The following GAN variants were observed in gnomAD, a reference collection of about 807,000 sequenced individuals.
The protein encoded by GAN is gigaxonin.
Under a neutral mutation model 71.3 loss-of-function variants are expected in GAN, and 48 were observed. The observed-to-expected ratio is 0.67, with a 90% CI of 0.53 to 0.86. The LOEUF is 0.86. Among genes scored for constraint, GAN ranks in the 40% least tolerant of loss-of-function variants. The pLI is 0.00. For synonymous variants in GAN, 386 were observed against 276.8 expected, an observed-to-expected ratio of 1.39 and a Z score of -3.92; for missense variants, 928 against 770.1, an observed-to-expected ratio of 1.21 and a Z score of -2.43.
chr16:81,365,386 G>C lies in GAN; in HGVS notation c.1410G>C (p.Leu470=), dbSNP rs1365354116. The change falls in exon 9 of 11, where the codon CTG becomes CTC. Residue 470 remains leucine (L), a synonymous_variant. Coordinates refer to ENST00000648994, the MANE Select transcript of GAN (RefSeq NM_022041.4). ...GAVACGVAME[L]YVFGGVRSRE... is the part of the protein sequence containing the mutation. ...TGGCCTGTGGAGTTGCTATGGAGCT[G>C]TATGTGTTTGGGGGAGTCCGAAGTC... 1.2e-5 allele frequency: 20 copies of C among 1,613,816 alleles called. No homozygotes were observed. Among genetic ancestry groups the C allele is most frequent in the Non-Finnish European group, 1.7e-5 (20 of 1,179,960 alleles).
intron 2 of GAN, among the ~76,000 whole-genome samples, chr16:81,353,265 G>A (rs4889310): frequency 6.8e-6 from 1 of 146,840 alleles, no homozygotes; most frequent in African/African-American, 2.6e-5. Flanking sequence ...GCACTCCAGC[G>A]TGGGCGACAG....
In GAN at chr16:81,323,731, A is replaced by G. The variant is rs540677542; in HGVS notation, c.167+8451A>G. Among the ~76,000 whole-genome samples the G allele has an allele frequency of 5.4e-4, 82 of 152,328 alleles. 1 individual carries two copies. The highest frequency in any genetic ancestry group is 1.8e-3 in the African/African-American group (73 of 41,578). On this transcript the variant is annotated intron_variant, in intron 1 of 10. Transcript: ENST00000648994. ...TCTCAGCAGCATCTATGTACTGGCA[A>G]GATGGTGGCAACGAACTGACAAGGC...
chr16:81,342,747 CA>C (rs1909987394), intron 1 of GAN, among the ~76,000 whole-genome samples: 1 of 152,130 alleles, frequency 6.6e-6, no homozygotes, highest in African/African-American at 2.4e-5. Context: ...CAAACACATT[CA>C]AAAACTAGCA....
Position 81,388,148 on chromosome 16 carries a change from T to C in GAN, c.*10552T>C, listed in dbSNP as rs1008732413. On this transcript the variant is annotated 3_prime_UTR_variant, in exon 11 of 11. Transcript: ENST00000648994. ...TTTGGCCATGTTCGGAGTCGTTGTTTTTACTCACTCTTCTTGGGATAGCTT... is the reference window on the plus strand; with the variant it reads ...TTTGGCCATGTTCGGAGTCGTTGTTCTTACTCACTCTTCTTGGGATAGCTT... The C allele has an allele frequency of 1.3e-5, 2 of 152,196 alleles. No homozygotes were observed. Among genetic ancestry groups the C allele is most frequent in the African/African-American group, 4.8e-5 (2 of 41,434 alleles). 9.4% of individuals were successfully genotyped at this position (152,196 alleles called of 1,614,324 possible).
In GAN at chr16:81,363,649, C is replaced by G. The variant is rs111372838; in HGVS notation, c.1087-145C>G. The stretch of plus-strand genomic sequence containing the variant: ...AATAGTTAGTGTTTCAGCCCTTGCT[C>G]CTCTCCCTGTCTCCTTGCTCTAGGA... On this transcript the variant is annotated intron_variant, in intron 6 of 10. Coordinates refer to ENST00000648994, the MANE Select transcript of GAN (RefSeq NM_022041.4). 313 of 783,678 alleles carry G rather than the reference C, an allele frequency of 4.0e-4. No individual in the cohort carries two copies. The African/African-American group carries it at 4.6e-3, about 12-fold the overall frequency. The allele number at this position is 783,678 out of a possible 1,614,324, so 48.5% of individuals were successfully genotyped here.
chr16:81,376,513 G>C (rs910657327), intron 9 of GAN, among the ~76,000 whole-genome samples: 4 of 134,608 alleles, frequency 3.0e-5, no homozygotes, highest in Non-Finnish European at 6.3e-5. Context: ...GTGTGTGTAT[G>C]TGTGTGTGTA....
rs1430483425 is a variant in GAN at position 81,384,162 on chromosome 16, A to G, written c.*6566A>G. The G allele has an allele frequency of 6.6e-6, 1 of 152,084 alleles. No individual in the cohort carries two copies. The highest frequency in any genetic ancestry group is 6.5e-5 in the Admixed American group (1 of 15,272). 9.4% of individuals were successfully genotyped at this position (152,084 alleles called of 1,614,324 possible). ...GAAAAACTCTGTTCTCAGCTACCTCATTATGTAGTATTGTGCTTGATCCCC... is the reference window on the plus strand; with the variant it reads ...GAAAAACTCTGTTCTCAGCTACCTCGTTATGTAGTATTGTGCTTGATCCCC... On this transcript the variant is annotated 3_prime_UTR_variant, in exon 11 of 11. Coordinates refer to ENST00000648994, the MANE Select transcript of GAN (RefSeq NM_022041.4).
At chr16:81,333,330 T>G (rs980131976) in intron 1 of GAN, among the ~76,000 whole-genome samples, 3 of 152,164 alleles carry the variant, frequency 2.0e-5, no homozygotes, top group African/African-American at 7.2e-5. Flanking sequence ...ACTTTGAGAT[T>G]ATGTAAATAT....
At chr16:81,332,337 T>G (rs1909610076) in intron 1 of GAN, among the ~76,000 whole-genome samples, 1 of 152,164 alleles carries the variant, frequency 6.6e-6, no homozygotes, top group Admixed American at 6.5e-5. Context: ...CAACTGGGCT[T>G]GTGGAAAAGT....
At chr16:81,377,365 C>A (rs760269273) in intron 10 of GAN, 37 bp downstream of exon 10, 2 of 1,591,774 alleles carry the variant, frequency 1.3e-6, no homozygotes, top group East Asian at 2.2e-5. Flanking sequence ...GAACTGTTTC[C>A]TGGTGATTCT....
chr16:81,321,868 G>A lies in GAN; in HGVS notation c.167+6588G>A, dbSNP rs116318190. On this transcript the variant is annotated intron_variant, in intron 1 of 10. Transcript: ENST00000648994. ...TATGGTTGCGACCTTGCATTTGAGC[G>A]CTTCCCATGGGTTCTCTTCCTCCTA... Among the ~76,000 whole-genome samples the A allele has an allele frequency of 8.9e-3, 1,360 of 152,250 alleles. 17 individuals are homozygous for A. Among genetic ancestry groups the A allele is most frequent in the African/African-American group, 0.031 (1,290 of 41,538 alleles).
chr16:81,342,021 C>G (rs1909959910), intron 1 of GAN, among the ~76,000 whole-genome samples: 1 of 152,084 alleles, frequency 6.6e-6, no homozygotes, highest in Admixed American at 6.5e-5. Context: ...CAACAAAGAT[C>G]AGAAGAGACA....
rs370342152 is a variant in GAN at position 81,353,018 on chromosome 16, G to A, written c.282+1321G>A. ...TTTAAAACGATAGTTGGGGCCGGGC[G>A]CGGTGGCTCACGCCTGTAATCCCAG... is the stretch of plus-strand genomic sequence containing the variant. On this transcript the variant is annotated intron_variant, in intron 2 of 10. Transcript: ENST00000648994. Among the ~76,000 whole-genome samples, 134 of 152,348 alleles carry A rather than the reference G, an allele frequency of 8.8e-4. 2 individuals are homozygous for A. In the South Asian group the frequency reaches 0.028, roughly 31 times the overall value.
chr16:81,351,527 A>G (rs960747636), intron 1 of GAN, 56 bp from the exon 2 acceptor site: 5 of 791,250 alleles, frequency 6.3e-6, no homozygotes, highest in Non-Finnish European at 1.2e-5. Context: ...GTACATAAAT[A>G]TTTATAGCTA....
chr16:81,363,276 G>A (rs189533949), intron 6 of GAN, among the ~76,000 whole-genome samples: 1 of 152,178 alleles, frequency 6.6e-6, no homozygotes, highest in Admixed American at 6.5e-5. Flanking sequence ...TCATTTTCTT[G>A]TTGTGAGCTA....
At chr16:81,343,268 T>C (rs1343400897) in intron 1 of GAN, among the ~76,000 whole-genome samples, 1 of 152,218 alleles carries the variant, frequency 6.6e-6, no homozygotes. Context: ...TAACTCATTT[T>C]ATGAGGCCAG....
At chr16:81,322,514 C>T (rs918900945) in intron 1 of GAN, among the ~76,000 whole-genome samples, 2 of 152,136 alleles carry the variant, frequency 1.3e-5, no homozygotes, top group African/African-American at 4.8e-5. Flanking sequence ...GAAATACAGA[C>T]CAATTAAATA....
rs1904398036 is a variant in GAN at position 81,386,273 on chromosome 16, A to G, written c.*8677A>G. Reference sequence around the variant, plus strand: ...TCCTTTTTTTTCATTGAAATAGCAAAGGTAGTAATCTGTATTGGTCAAAGA... The same window carrying G: ...TCCTTTTTTTTCATTGAAATAGCAAGGGTAGTAATCTGTATTGGTCAAAGA... On this transcript the variant is annotated 3_prime_UTR_variant, in exon 11 of 11. Transcript: ENST00000648994. 1 of 152,184 alleles carries G rather than the reference A, an allele frequency of 6.6e-6. No individual in the cohort carries two copies. The highest frequency in any genetic ancestry group is 2.1e-4 in the South Asian group (1 of 4,828). The allele number at this position is 152,184 out of a possible 1,614,324, so 9.4% of individuals were successfully genotyped here.
In GAN at chr16:81,357,895, A is replaced by G. The variant is rs751666826; in HGVS notation, c.937A>G (p.Ser313Gly). Reference protein sequence around the residue: ...RQLWIELAPLSMPRINHGVLS... With the variant: ...RQLWIELAPLGMPRINHGVLS... ...GCTTTGGATCGAACTGGCCCCTTTA[A>G]GCATGCCGAGAATTAACCATGGAGT... The change falls in exon 5 of 11, where the codon AGC becomes GGC. Residue 313 changes from serine to glycine, a missense_variant. Transcript: ENST00000648994. 6 of 1,613,856 alleles carry G rather than the reference A, an allele frequency of 3.7e-6. No homozygotes were observed. The highest frequency in any genetic ancestry group is 1.3e-5 in the African/African-American group (1 of 74,922).
Sources: allele counts gnomAD v4.1 joint callset (sites outside exome capture counted in the v4.1 genomes callset), GRCh38; gene constraint gnomAD v4.1.1; transcripts MANE v1.5; gene names NCBI Gene and HGNC (gene_info 2026-07-23, HGNC 2026-07-21).